The following ILDR1 variants were observed in gnomAD, a reference collection of about 807,000 sequenced individuals.
ILDR1 encodes immunoglobulin-like domain-containing receptor 1.
Under a neutral mutation model 62.4 loss-of-function variants are expected in ILDR1, and 56 were observed. The ratio of observed to expected loss-of-function variants is 0.90; its 90% CI spans 0.72 to 1.12. The LOEUF (loss-of-function observed/expected upper bound fraction) is 1.12, where lower values mean the gene tolerates loss of function less well. Ranked by LOEUF, ILDR1 falls within the 50% of genes most tolerant of loss-of-function variation. ILDR1 has a pLI of 0.00. For missense variants in ILDR1, 736 were observed against 710.6 expected, an observed-to-expected ratio of 1.04 and a Z score of -0.41; for synonymous variants, 284 against 277.8, an observed-to-expected ratio of 1.02 and a Z score of -0.22.
At chr3:122,054,718 G>A in the ILDR1 span, among the ~76,000 whole-genome samples, 16 of 152,104 alleles carry the variant, frequency 1.1e-4, no homozygotes, top group East Asian at 2.7e-3. Context: ...TAATTCATAC[G>A]AGGAAATATC....
the ILDR1 span, among the ~76,000 whole-genome samples, chr3:122,059,574 G>A: frequency 3.3e-5 from 5 of 151,822 alleles, no homozygotes; most frequent in African/African-American, 1.2e-4. Context: ...GTGGGGAGAT[G>A]GATGCAAGAA....
intron 6 of ILDR1, 45 bp downstream of exon 6, chr3:121,994,137 C>A: frequency 6.5e-7 from 1 of 1,532,586 alleles, no homozygotes; most frequent in South Asian, 1.2e-5. Flanking sequence ...TGTTCCCGCC[C>A]TTGCCCTCTG....
chr3:122,014,956 G>C (rs577538007), intron 1 of ILDR1, among the ~76,000 whole-genome samples: 2 of 152,258 alleles, frequency 1.3e-5, no homozygotes, highest in South Asian at 4.2e-4. Flanking sequence ...TGCAAATTTA[G>C]GCATGACCAG....
chr3:122,031,619 C>T, the ILDR1 span, among the ~76,000 whole-genome samples: 7 of 152,080 alleles, frequency 4.6e-5, no homozygotes, highest in African/African-American at 1.7e-4. Flanking sequence ...GGATTAGTGC[C>T]CTTATAAGAG....
At chr3:121,989,032 G>C (rs899480035) in intron 7 of ILDR1, among the ~76,000 whole-genome samples, 2 of 151,954 alleles carry the variant, frequency 1.3e-5, no homozygotes, top group African/African-American at 4.8e-5. Flanking sequence ...CTACGGTAGG[G>C]GATCATTTTA....
At chr3:122,041,912 T>C in the ILDR1 span, among the ~76,000 whole-genome samples, 6 of 96,724 alleles carry the variant, frequency 6.2e-5, no homozygotes, top group Non-Finnish European at 1.1e-4. Context: ...TTCTTTTTCT[T>C]TTTTTTTTTT....
the ILDR1 span, among the ~76,000 whole-genome samples, chr3:122,049,947 C>G: frequency 2.0e-5 from 3 of 152,202 alleles, no homozygotes; most frequent in African/African-American, 7.2e-5. Context: ...AATGCCAGAA[C>G]CTTTGACTTC....
chr3:122,054,529 G>A, the ILDR1 span, among the ~76,000 whole-genome samples: 1 of 151,882 alleles, frequency 6.6e-6, no homozygotes, highest in East Asian at 1.9e-4. Context: ...TTGCCATTTA[G>A]GGTTGAGTAA....
intron 7 of ILDR1, among the ~76,000 whole-genome samples, chr3:121,989,785 A>C (rs2071312910): frequency 6.6e-6 from 1 of 152,196 alleles, no homozygotes. Context: ...TCTCATGGGC[A>C]CTGTGTAACA....
chr3:122,046,662 GTTCAT>G, the ILDR1 span, among the ~76,000 whole-genome samples: 1 of 148,884 alleles, frequency 6.7e-6, no homozygotes, highest in Non-Finnish European at 1.5e-5. Flanking sequence ...GCTTCATTTC[GTTCAT>G]TTCATCTTCC....
At chr3:122,031,948 C>T in the ILDR1 span, among the ~76,000 whole-genome samples, 3 of 152,170 alleles carry the variant, frequency 2.0e-5, no homozygotes, top group African/African-American at 7.2e-5. Context: ...CTGTTTATTT[C>T]CTTGATATCT....
intron 7 of ILDR1, 32 bp from the exon 8 acceptor site, chr3:121,988,440 A>C (rs2071286232): frequency 6.3e-7 from 1 of 1,592,260 alleles, no homozygotes; most frequent in Admixed American, 1.7e-5. Context: ...ACACAAAAAA[A>C]ATCCAGTCAG....
the ILDR1 span, among the ~76,000 whole-genome samples, chr3:122,060,017 A>G: frequency 1.3e-5 from 2 of 152,206 alleles, no homozygotes; most frequent in East Asian, 3.9e-4. Context: ...AAAAAAAATA[A>G]ATTTTTTTTG....
At chr3:122,030,846 G>T in the ILDR1 span, among the ~76,000 whole-genome samples, 1 of 152,174 alleles carries the variant, frequency 6.6e-6, no homozygotes, top group African/African-American at 2.4e-5. Flanking sequence ...GCTTATTAAA[G>T]TTCCCAGGTG....
intron 3 of ILDR1, among the ~76,000 whole-genome samples, chr3:122,004,951 A>G (rs1344986465): frequency 2.6e-5 from 4 of 152,168 alleles, no homozygotes; most frequent in African/African-American, 9.7e-5. Flanking sequence ...CTGATCCACA[A>G]CTTAGCCCTG....
At chr3:122,045,026 A>G in the ILDR1 span, among the ~76,000 whole-genome samples, 1 of 151,226 alleles carries the variant, frequency 6.6e-6, no homozygotes, top group Non-Finnish European at 1.5e-5. Flanking sequence ...TCAATTTTGG[A>G]TGTTTCCTGC....
intron 7 of ILDR1, among the ~76,000 whole-genome samples, chr3:121,989,745 G>T (rs1407540903): frequency 2.6e-5 from 4 of 152,156 alleles, no homozygotes; most frequent in African/African-American, 9.7e-5. Context: ...CTGAAGTTGG[G>T]TGGAAGATCC....
At chr3:122,018,396 G>C (rs985984812) in intron 1 of ILDR1, among the ~76,000 whole-genome samples, 5 of 124,990 alleles carry the variant, frequency 4.0e-5, no homozygotes, top group East Asian at 2.2e-4. Context: ...TGTTGGGGTG[G>C]GGGGGGGGTA....
upstream of ILDR1, chr3:122,022,373 C>A (rs2071874974): frequency 2.8e-6 from 1 of 354,486 alleles, no homozygotes; most frequent in Admixed American, 5.0e-5. Flanking sequence ...GCCTCCTGCT[C>A]GCTGAAACAC....
Sources: gnomAD v4.1 joint callset for allele counts (sites outside exome capture counted in the v4.1 genomes callset) on GRCh38, gnomAD v4.1.1 for gene constraint, MANE v1.5 for transcripts, NCBI Gene and HGNC (gene_info 2026-07-23, HGNC 2026-07-21) for gene names.